Variants in DBN1 observed in about 807,000 individuals in gnomAD.
DBN1 encodes the protein drebrin.
A neutral mutation model predicts 83.5 loss-of-function variants in DBN1; 21 were observed. That is an observed-to-expected ratio of 0.25 (90% CI 0.18 to 0.36). The LOEUF (loss-of-function observed/expected upper bound fraction) is 0.36. Among genes scored for constraint, DBN1 ranks in the 10% least tolerant of loss-of-function variants. The pLI is 1.00. For synonymous variants in DBN1, 381 were observed against 384.9 expected, an observed-to-expected ratio of 0.99 and a Z score of 0.12; for missense variants, 874 against 935.7, an observed-to-expected ratio of 0.93 and a Z score of 0.86.
intron 13 of DBN1, 143 bp downstream of exon 13, chr5:177,457,915 G>C (rs754741630): frequency 5.1e-6 from 6 of 1,182,640 alleles, no homozygotes; most frequent in Admixed American, 3.8e-5. Flanking sequence ...CCGGCCCAGG[G>C]AGGGAGGGTG....
rs1757528623 is a variant in DBN1 at position 177,467,474 on chromosome 5, C to T, written c.477+7G>A. ...GCAGAGCCCACGGGTGCCAAACACA[C>T]ACTAACCACGGGCTCTGCGTTCTCA... On this transcript the variant is annotated splice_region_variant and intron_variant, in intron 5 of 14. Transcript: ENST00000393565. This position sits in a 1 kb window ranked among gnomAD's most constrained non-coding sequence, Gnocchi z 9.1. The T allele has an allele frequency of 1.2e-6, 2 of 1,601,798 alleles. No homozygotes were observed. The highest frequency in any genetic ancestry group is 1.7e-6 in the Non-Finnish European group (2 of 1,173,206).
In DBN1 at chr5:177,457,591, GCTACCCACACT is replaced by G. The variant is rs1322518032; in HGVS notation, c.2017+53_2017+63del. On this transcript the variant is annotated intron_variant, in intron 14 of 14. Transcript: ENST00000393565. ...GTGAGCGGTGGGTAGTGGTGGGGTG[GCTACCCACACT>G]CAAATCCAGCCCCCGCACCCAAATT... The G allele has an allele frequency of 1.1e-5, 17 of 1,508,750 alleles. No individual in the cohort carries two copies. In the African/African-American group the frequency reaches 2.1e-4, roughly 18 times the overall value. 93.5% of individuals were successfully genotyped at this position (1,508,750 alleles called of 1,614,324 possible).
In DBN1 at chr5:177,459,580, C is replaced by A. The variant is rs187001346; in HGVS notation, c.1093+23G>T. 7.8e-5 allele frequency: 115 copies of A among 1,479,828 alleles called. 1 individual carries two copies. In the African/African-American group the frequency reaches 1.3e-3, roughly 17 times the overall value. The allele number at this position is 1,479,828 out of a possible 1,614,324, so 91.7% of individuals were successfully genotyped here. A position where few individuals can be genotyped will look rare whatever the true frequency, so the allele number is the denominator to read the frequency against. On this transcript the variant is annotated intron_variant, in intron 11 of 14. Coordinates refer to ENST00000393565, the MANE Select transcript of DBN1 (RefSeq NM_001363541.2). ...GCGGGGCCCTCCTTACCACCCCCGCCGAGGCCTGGGGCTGCTACCTACATG... is the reference window on the plus strand; with the variant it reads ...GCGGGGCCCTCCTTACCACCCCCGCAGAGGCCTGGGGCTGCTACCTACATG...
At chr5:177,458,979 C>A (rs376257467) in intron 12 of DBN1, 119 bp downstream of exon 12, 3 of 1,486,954 alleles carry the variant, frequency 2.0e-6, no homozygotes, top group Non-Finnish European at 2.7e-6. Flanking sequence ...GCCTCCAGGG[C>A]AGTGCAGTCT....
intron 8 of DBN1, among the ~76,000 whole-genome samples, chr5:177,463,065 C>CG (rs1757160461): frequency 6.6e-6 from 1 of 151,676 alleles, no homozygotes; most frequent in Non-Finnish European, 1.5e-5. Flanking sequence ...TAATCTGAGA[C>CG]AGAGTCTTTC....
Position 177,458,429 on chromosome 5 carries a change from G to T in DBN1, c.1543C>A (p.Pro515Thr). The T allele has an allele frequency of 6.2e-7, 1 of 1,614,188 alleles. No individual in the cohort carries two copies. The highest frequency in any genetic ancestry group is 8.5e-7 in the Non-Finnish European group (1 of 1,180,014). ...TCAATGAGGCTGGTGGCGGCGGGGG[G>T]TACGTTGTTGGCAACAGTGGTGTCA... is the stretch of plus-strand genomic sequence containing the variant. Reference protein sequence around the residue: ...TADTTVANNVPPAATSLIDLW... With the variant: ...TADTTVANNVTPAATSLIDLW... Residue 515 changes from proline (P) to threonine (T), a missense_variant, in exon 13 of 15, where the codon CCC (proline) becomes ACC (threonine). Transcript: ENST00000393565.
In DBN1 at chr5:177,467,201, C is replaced by T; in HGVS notation, c.555+54G>A. The stretch of plus-strand genomic sequence containing the variant: ...CACTGCAGTGAGGGACTCAGACCTG[C>T]CCCATGGGGTCCATGAGGGGTGGCT... On this transcript the variant is annotated intron_variant, in intron 6 of 14. Coordinates refer to ENST00000393565, the MANE Select transcript of DBN1 (RefSeq NM_001363541.2). The surrounding 1 kb of genome is among the most constrained non-coding windows in gnomAD (Gnocchi z 9.1). The T allele has an allele frequency of 7.5e-6, 12 of 1,609,794 alleles. No homozygotes were observed. The highest frequency in any genetic ancestry group is 1.0e-5 in the Non-Finnish European group (12 of 1,176,248).
chr5:177,460,117 C>T (rs1008998966), intron 10 of DBN1, among the ~76,000 whole-genome samples: 8 of 152,236 alleles, frequency 5.3e-5, no homozygotes, highest in African/African-American at 1.7e-4. Flanking sequence ...GCATGCATTC[C>T]GGCCTTCCAG....
At chr5:177,472,272 C>T (rs1002088295) in intron 1 of DBN1, 24 of 1,604,646 alleles carry the variant, frequency 1.5e-5, no homozygotes, top group African/African-American at 2.7e-5. Flanking sequence ...TCCCAGTGTG[C>T]GGGTGAGGCC....
chr5:177,459,811 G>A (rs1412392249), intron 10 of DBN1, 71 bp from the exon 11 acceptor site: 1 of 1,387,526 alleles, frequency 7.2e-7, no homozygotes, highest in Admixed American at 3.2e-5. Context: ...CCCTGCCCGA[G>A]GCCTCTCCCG....
chr5:177,457,876 G>A (rs337423), intron 13 of DBN1, 119 bp from the exon 14 acceptor site: 30,821 of 1,071,298 alleles, frequency 0.029, 1,209 homozygotes, highest in African/African-American at 0.17. Context: ...AGGGAAACAA[G>A]GATGCCTGCC....
chr5:177,463,056 A>C (rs969763081), intron 8 of DBN1, among the ~76,000 whole-genome samples: 59 of 149,792 alleles, frequency 3.9e-4, no homozygotes, highest in African/African-American at 1.4e-3. Flanking sequence ...TTTTTTTTTT[A>C]ATCTGAGACA....
Position 177,457,267 on chromosome 5 carries a change from AAGTC to A in DBN1, c.*162_*165del. ...TTTTAAAAAAAGAGAAAAGCTGTAA[AAGTC>A]AGGCCCTGTGGGTAGGGAAGCGGCC... is the stretch of plus-strand genomic sequence containing the variant. On this transcript the variant is annotated 3_prime_UTR_variant, in exon 15 of 15. Coordinates refer to ENST00000393565, the MANE Select transcript of DBN1 (RefSeq NM_001363541.2). 3.1e-6 allele frequency: 2 copies of A among 653,388 alleles called. No homozygotes were observed. The highest frequency in any genetic ancestry group is 5.5e-6 in the Non-Finnish European group (2 of 364,220). The allele number at this position is 653,388 out of a possible 1,614,324, so 40.5% of individuals were successfully genotyped here.
At chr5:177,457,881 C>T in intron 13 of DBN1, 124 bp from the exon 14 acceptor site, 1 of 1,076,620 alleles carries the variant, frequency 9.3e-7, no homozygotes, top group South Asian at 1.3e-5. Flanking sequence ...AACAAGGATG[C>T]CTGCCTTGGG....
chr5:177,469,720 C>T (rs1035043543), intron 1 of DBN1, among the ~76,000 whole-genome samples: 4 of 152,208 alleles, frequency 2.6e-5, no homozygotes, highest in Non-Finnish European at 1.5e-5. Context: ...TGATAGGCTG[C>T]GGTGACAGAG....
chr5:177,459,560 G>A, intron 11 of DBN1, 43 bp downstream of exon 11: 2 of 1,458,778 alleles, frequency 1.4e-6, no homozygotes, highest in East Asian at 2.6e-5. Context: ...GGGAAGCGGG[G>A]CCCTCCTTAC....
chr5:177,472,077 C>G, intron 1 of DBN1: 1 of 1,585,392 alleles, frequency 6.3e-7, no homozygotes, highest in Non-Finnish European at 8.6e-7. Context: ...ATGGGTGGGC[C>G]GCCTGCCTGC....
At chr5:177,464,693 G>A (rs1046399933) in intron 8 of DBN1, among the ~76,000 whole-genome samples, 1 of 152,034 alleles carries the variant, frequency 6.6e-6, no homozygotes, top group Non-Finnish European at 1.5e-5. Flanking sequence ...TGTAATCCCG[G>A]CACTTTGTGA....
intron 1 of DBN1, among the ~76,000 whole-genome samples, 179 bp from the exon 2 acceptor site, chr5:177,469,078 T>A (rs1321996908): frequency 6.6e-6 from 1 of 151,904 alleles, no homozygotes; most frequent in Non-Finnish European, 1.5e-5. Context: ...AGCAGGGTAC[T>A]GCTGGAGGCC....
Sources: gnomAD v4.1 joint callset for allele counts (sites outside exome capture counted in the v4.1 genomes callset) on GRCh38, gnomAD v4.1.1 for gene constraint, Gnocchi (gnomAD v3.1) non-coding constraint, MANE v1.5 for transcripts, NCBI Gene and HGNC (gene_info 2026-07-23, HGNC 2026-07-21) for gene names.